The following MTHFD1L variants were observed in gnomAD, a reference collection of about 807,000 sequenced individuals.
MTHFD1L encodes the protein methylenetetrahydrofolate dehydrogenase (NADP+ dependent) 1 like.
MTHFD1L carries 81 observed loss-of-function variants against 119.5 expected under a neutral mutation model. That is an observed-to-expected ratio of 0.68 (90% confidence interval 0.57 to 0.82). The LOEUF is 0.82. Ranked by LOEUF, MTHFD1L falls within the 40% of genes least tolerant of loss-of-function variation. The pLI is 0.00. For missense variants in MTHFD1L, 1,125 were observed against 1,253.4 expected, an observed-to-expected ratio of 0.90 and a Z score of 1.55; for synonymous variants, 430 against 475.2, an observed-to-expected ratio of 0.90 and a Z score of 1.24.
chr6:151,091,426 G>A (rs1467406991), intron 26 of MTHFD1L, among the ~76,000 whole-genome samples: 4 of 152,162 alleles, frequency 2.6e-5, no homozygotes, highest in African/African-American at 7.2e-5. Flanking sequence ...CTGAGGATCC[G>A]TCAAGGGGGC....
At position 150,938,721 on chromosome 6, in the gene MTHFD1L, T is replaced by C. The variant is rs2128942348; in HGVS notation, c.1416T>C (p.Tyr472=). 3.1e-6 allele frequency: 5 copies of C among 1,610,894 alleles called. No individual in the cohort carries two copies. Among genetic ancestry groups the C allele is most frequent in the Non-Finnish European group, 4.2e-6 (5 of 1,178,846 alleles). The change falls in exon 13 of 28, where the codon TAT becomes TAC. Residue 472 remains tyrosine, a synonymous_variant. Coordinates refer to ENST00000367321, the MANE Select transcript of MTHFD1L (RefSeq NM_015440.5). ...GVKGGAAGGG[Y]AQVIPMEEFN... ...TAGGAGGAGCCGCGGGTGGTGGATA[T>C]GCCCAGGTCATCCCCATGGAGGAGG...
In MTHFD1L at chr6:151,039,318, A is replaced by AGTG. The variant is rs1217001011; in HGVS notation, c.2847+2203_2847+2204insGGT. Among the ~76,000 whole-genome samples the AGTG allele has an allele frequency of 1.3e-5, 2 of 152,058 alleles. No homozygotes were observed. Among genetic ancestry groups the AGTG allele is most frequent in the Non-Finnish European group, 2.9e-5 (2 of 67,994 alleles). On this transcript the variant is annotated intron_variant, in intron 26 of 27. Coordinates refer to ENST00000367321, the MANE Select transcript of MTHFD1L (RefSeq NM_015440.5). The surrounding 1 kb of genome is among the most constrained non-coding windows in gnomAD (Gnocchi z 4.4). ...ACAGTTCAGATCAGTGGTTGCCAGG[A>AGTG]GTTGGGGGAGGGGAAGCGTTTGACT...
intron 24 of MTHFD1L, 41 bp from the exon 25 acceptor site, chr6:151,034,452 A>T (rs1450183888): frequency 1.5e-6 from 2 of 1,367,540 alleles, no homozygotes; most frequent in South Asian, 1.2e-5. Flanking sequence ...CTTTAACCAG[A>T]TTAAACTTAT....
At chr6:151,037,886 A>C (rs1254491641) in intron 26 of MTHFD1L, among the ~76,000 whole-genome samples, 1 of 152,200 alleles carries the variant, frequency 6.6e-6, no homozygotes, top group African/African-American at 2.4e-5. Context: ...AGCAGATCCC[A>C]TGGCAAGCAA....
At chr6:151,009,557 G>A (rs1280812448) in intron 20 of MTHFD1L, among the ~76,000 whole-genome samples, 2 of 151,974 alleles carry the variant, frequency 1.3e-5, no homozygotes, top group Non-Finnish European at 2.9e-5. Flanking sequence ...TTCACTGTGA[G>A]TTATGATATG....
At chr6:150,985,386 T>G (rs1778136332) in intron 20 of MTHFD1L, among the ~76,000 whole-genome samples, 2 of 152,058 alleles carry the variant, frequency 1.3e-5, no homozygotes, top group Non-Finnish European at 2.9e-5. Context: ...TTGAAAACTC[T>G]CCTTTGAGGT....
intron 8 of MTHFD1L, 147 bp from the exon 9 acceptor site, chr6:150,918,430 G>C: frequency 1.5e-6 from 1 of 650,506 alleles, no homozygotes; most frequent in Non-Finnish European, 2.8e-6. Flanking sequence ...TGTGCCAGAG[G>C]TGACCAGTCT....
At chr6:150,909,351 A>T (rs1056449931) in intron 8 of MTHFD1L, among the ~76,000 whole-genome samples, 15 of 151,644 alleles carry the variant, frequency 9.9e-5, no homozygotes, top group African/African-American at 3.6e-4. Flanking sequence ...CAGTGGCACG[A>T]TCACAGCCTC....
chr6:150,907,511 A>C (rs965294653), intron 8 of MTHFD1L, among the ~76,000 whole-genome samples: 2 of 152,172 alleles, frequency 1.3e-5, no homozygotes, highest in Non-Finnish European at 2.9e-5. Flanking sequence ...AAAACAGAAA[A>C]CAACGTCCAA....
chr6:151,021,876 G>A (rs529087631), intron 24 of MTHFD1L, among the ~76,000 whole-genome samples: 3 of 152,246 alleles, frequency 2.0e-5, no homozygotes, highest in Non-Finnish European at 2.9e-5. Context: ...TTGACATTCA[G>A]TCGGAATATT....
At chr6:150,903,029 A>G (rs964133317) in intron 7 of MTHFD1L, among the ~76,000 whole-genome samples, 1 of 152,150 alleles carries the variant, frequency 6.6e-6, no homozygotes, top group African/African-American at 2.4e-5. Flanking sequence ...TTTTGACAGT[A>G]CTATATATAA....
intron 26 of MTHFD1L, among the ~76,000 whole-genome samples, chr6:151,070,684 C>A (rs1195660284): frequency 1.3e-5 from 2 of 152,230 alleles, no homozygotes; most frequent in Non-Finnish European, 2.9e-5. Flanking sequence ...GACCCTGTGG[C>A]TGTGTTCCAC....
intron 21 of MTHFD1L, among the ~76,000 whole-genome samples, chr6:151,011,570 C>T (rs1782228031): frequency 6.6e-6 from 1 of 152,208 alleles, no homozygotes; most frequent in African/African-American, 2.4e-5. Context: ...GGTCTCTGTC[C>T]TGTAAAAATT....
intron 1 of MTHFD1L, 99 bp downstream of exon 1, chr6:150,866,148 C>A: frequency 1.4e-6 from 2 of 1,410,528 alleles, no homozygotes; most frequent in Non-Finnish European, 1.8e-6. Flanking sequence ...GGGCGCGGGG[C>A]TGCGAGTGTT....
chr6:150,938,896 C>A, intron 13 of MTHFD1L, 151 bp downstream of exon 13: 2 of 797,580 alleles, frequency 2.5e-6, no homozygotes, highest in South Asian at 1.7e-5. Context: ...ATAACTCATG[C>A]AGTGACAAAC....
At chr6:151,033,779 A>G (rs1054342507) in intron 24 of MTHFD1L, among the ~76,000 whole-genome samples, 5 of 152,226 alleles carry the variant, frequency 3.3e-5, no homozygotes, top group African/African-American at 1.2e-4. Context: ...ATGAAAAAAT[A>G]CTTGTTTTTA....
intron 26 of MTHFD1L, among the ~76,000 whole-genome samples, chr6:151,086,851 A>G (rs974758617): frequency 1.3e-5 from 2 of 152,216 alleles, no homozygotes; most frequent in African/African-American, 4.8e-5. Context: ...CTGAGGGTCT[A>G]ATATTGCCAG....
intron 11 of MTHFD1L, among the ~76,000 whole-genome samples, chr6:150,927,722 G>T (rs1790281188): frequency 6.6e-6 from 1 of 152,016 alleles, no homozygotes; most frequent in African/African-American, 2.4e-5. Context: ...ATCCCAAAGT[G>T]CTGGGATTAC....
At chr6:150,955,930 G>A in intron 16 of MTHFD1L, 65 bp from the exon 17 acceptor site, 1 of 1,389,260 alleles carries the variant, frequency 7.2e-7, no homozygotes, top group Non-Finnish European at 1.0e-6. Flanking sequence ...TCAGAACAAT[G>A]CCAGACACAC....
Sources: gnomAD v4.1 joint callset for allele counts (sites outside exome capture counted in the v4.1 genomes callset) on GRCh38, gnomAD v4.1.1 for gene constraint, Gnocchi (gnomAD v3.1) non-coding constraint, MANE v1.5 for transcripts, NCBI Gene and HGNC (gene_info 2026-07-23, HGNC 2026-07-21) for gene names.